NRXN3: variants seen among roughly 807,000 people sequenced by gnomAD.
The protein encoded by NRXN3 is neurexin 3.
Under a neutral mutation model 137.6 loss-of-function variants are expected in NRXN3, and 32 were observed. That is an observed-to-expected ratio of 0.23 (90% CI 0.18 to 0.31). NRXN3 has a LOEUF of 0.31. Among genes scored for constraint, NRXN3 ranks in the 10% least tolerant of loss-of-function variants. The probability of loss-of-function intolerance (pLI) is 1.00; values close to 1 mark genes in which losing one functional copy is unlikely to be tolerated. For synonymous variants in NRXN3, 798 were observed against 784.5 expected, an observed-to-expected ratio of 1.02 and a Z score of -0.29; for missense variants, 1,574 against 2,062.5, an observed-to-expected ratio of 0.76 and a Z score of 4.59.
chr14:79,022,014 A>G (rs1437765239), intron 15 of NRXN3, among the ~76,000 whole-genome samples: 4 of 152,222 alleles, frequency 2.6e-5, no homozygotes, highest in African/African-American at 9.6e-5. Flanking sequence ...TTTGGCAAGC[A>G]ACAGCTGTTC....
intron 15 of NRXN3, among the ~76,000 whole-genome samples, chr14:79,042,627 A>C (rs374520102): frequency 1.3e-5 from 2 of 152,234 alleles, no homozygotes; most frequent in African/African-American, 4.8e-5. Flanking sequence ...ATGTATTATT[A>C]AATGTTAATT....
At chr14:79,630,033 C>G (rs1244496209) in intron 16 of NRXN3, among the ~76,000 whole-genome samples, 1 of 152,124 alleles carries the variant, frequency 6.6e-6, no homozygotes, top group African/African-American at 2.4e-5. Flanking sequence ...ACCTATGAAC[C>G]TAGCTGCTGT....
chr14:79,545,374 A>G (rs1218079827), intron 16 of NRXN3, among the ~76,000 whole-genome samples: 1 of 152,050 alleles, frequency 6.6e-6, no homozygotes, highest in Non-Finnish European at 1.5e-5. Flanking sequence ...TTTCTTATAA[A>G]TGCAGATGTT....
chr14:78,581,296 T>C (rs1200242599), intron 4 of NRXN3, among the ~76,000 whole-genome samples: 1 of 152,240 alleles, frequency 6.6e-6, no homozygotes, highest in Non-Finnish European at 1.5e-5. Flanking sequence ...TGGAAACTTA[T>C]TTCTCACAGT....
intron 16 of NRXN3, among the ~76,000 whole-genome samples, chr14:79,521,371 C>G (rs2097062384): frequency 6.6e-6 from 1 of 152,082 alleles, no homozygotes; most frequent in South Asian, 2.1e-4. Context: ...TATATTTAAA[C>G]CAGAGCTTCT....
chr14:78,562,796 G>A (rs7160080), intron 4 of NRXN3, among the ~76,000 whole-genome samples: 13,721 of 152,218 alleles, frequency 0.09, 1,178 homozygotes, highest in African/African-American at 0.23. Flanking sequence ...AAAATATAAA[G>A]TGATAGATAA....
intron 2 of NRXN3, among the ~76,000 whole-genome samples, chr14:78,275,921 C>T (rs190021167): frequency 5.2e-4 from 79 of 152,302 alleles, no homozygotes; most frequent in Non-Finnish European, 9.6e-4. Context: ...CCCCCTCCTT[C>T]GTCTACCTCT....
At chr14:78,399,484 TTCCCAGGG>T (rs996834612) in intron 4 of NRXN3, among the ~76,000 whole-genome samples, 2 of 152,204 alleles carry the variant, frequency 1.3e-5, no homozygotes, top group Non-Finnish European at 2.9e-5. Flanking sequence ...AATACGAAGG[TTCCCAGGG>T]AGCTGTCCAG....
At chr14:78,856,382 A>C (rs2099057123) in intron 10 of NRXN3, among the ~76,000 whole-genome samples, 1 of 152,242 alleles carries the variant, frequency 6.6e-6, no homozygotes, top group Admixed American at 6.5e-5. Context: ...GGGTATATTC[A>C]AAATATAACT....
chr14:78,688,153 C>T (rs1567062109), intron 6 of NRXN3, among the ~76,000 whole-genome samples: 1 of 152,136 alleles, frequency 6.6e-6, no homozygotes, highest in African/African-American at 2.4e-5. Context: ...ATGAATATGA[C>T]ACTTAAAGTA....
chr14:78,935,280 C>A (rs181551368), intron 10 of NRXN3, among the ~76,000 whole-genome samples: 1 of 152,166 alleles, frequency 6.6e-6, no homozygotes, highest in African/African-American at 2.4e-5. Flanking sequence ...GATATATGTA[C>A]GTGAAAATGT....
chr14:79,773,527 A>G (rs1487425371), intron 19 of NRXN3, among the ~76,000 whole-genome samples: 2 of 151,388 alleles, frequency 1.3e-5, no homozygotes, highest in African/African-American at 4.9e-5. Context: ...CTATCGCAAG[A>G]ACAAACAACC....
chr14:78,269,139 C>G (rs2153484765), intron 2 of NRXN3, among the ~76,000 whole-genome samples: 1 of 152,296 alleles, frequency 6.6e-6, no homozygotes, highest in Middle Eastern at 3.4e-3. Flanking sequence ...GAAAATGAAG[C>G]TCACAGAGGC....
intron 15 of NRXN3, among the ~76,000 whole-genome samples, chr14:79,370,593 C>T (rs2094070274): frequency 6.6e-6 from 1 of 152,058 alleles, no homozygotes; most frequent in Admixed American, 6.5e-5. Context: ...GCTGGGATTA[C>T]AGGCATGAGC....
At chr14:78,681,220 T>C (rs575503316) in intron 6 of NRXN3, among the ~76,000 whole-genome samples, 16 of 152,200 alleles carry the variant, frequency 1.1e-4, no homozygotes, top group Non-Finnish European at 2.1e-4. Context: ...AGGATTGTTT[T>C]TGAACACTGG....
At position 78,567,613 on chromosome 14, in the gene NRXN3, C is replaced by T. The variant is rs956965286; in HGVS notation, c.758-77507C>T. Among the ~76,000 whole-genome samples the T allele has an allele frequency of 5.3e-5, 8 of 152,230 alleles. No individual in the cohort carries two copies. In the South Asian group the frequency reaches 8.3e-4, roughly 16 times the overall value. On this transcript the variant is annotated intron_variant, in intron 4 of 20. Coordinates refer to ENST00000335750, the MANE Select transcript of NRXN3 (RefSeq NM_001330195.2). ...GTCTCCTAGTTATATGTGTAAACAA[C>T]GCCAGGCAGGAAATAGGTTTCCTGT... is the stretch of plus-strand genomic sequence containing the variant.
At chr14:78,384,070 A>G (rs1351221355) in intron 4 of NRXN3, among the ~76,000 whole-genome samples, 1 of 152,168 alleles carries the variant, frequency 6.6e-6, no homozygotes. Flanking sequence ...TAAAATAAAC[A>G]TTGGTTTATT....
At chr14:79,703,336 C>CAAAG (rs372617841) in intron 19 of NRXN3, among the ~76,000 whole-genome samples, 3 of 152,190 alleles carry the variant, frequency 2.0e-5, no homozygotes, top group African/African-American at 7.2e-5. Flanking sequence ...GATTACAAAA[C>CAAAG]AAAGAAAAAA....
chr14:78,568,681 G>T (rs908847579), intron 4 of NRXN3, among the ~76,000 whole-genome samples: 3 of 152,164 alleles, frequency 2.0e-5, no homozygotes, highest in Admixed American at 2.0e-4. Context: ...GAAATCCTGG[G>T]TTCAATGTGT....
Sources: gnomAD v4.1 joint callset for allele counts (sites outside exome capture counted in the v4.1 genomes callset) on GRCh38, gnomAD v4.1.1 for gene constraint, MANE v1.5 for transcripts, NCBI Gene and HGNC (gene_info 2026-07-23, HGNC 2026-07-21) for gene names.